Variants in DPP10 observed in about 807,000 individuals in gnomAD.
DPP10 encodes the protein inactive dipeptidyl peptidase 10.
Under a neutral mutation model 120.9 loss-of-function variants are expected in DPP10, and 33 were observed. That is an observed-to-expected ratio of 0.27 (90% CI 0.21 to 0.37). The LOEUF (loss-of-function observed/expected upper bound fraction) is 0.37, where lower values mean the gene tolerates loss of function less well. Ranked by LOEUF, DPP10 falls within the 10% of genes least tolerant of loss-of-function variation. The probability of loss-of-function intolerance (pLI) is 1.00; values close to 1 mark genes in which losing one functional copy is unlikely to be tolerated. For missense variants in DPP10, 816 were observed against 942.8 expected (o/e 0.87, Z 1.76); for synonymous variants, 337 against 326.1 (o/e 1.03, Z -0.36).
rs140794959 is a variant in DPP10 at position 115,003,176 on chromosome 2, TA to T, written c.61-306047del. Among the ~76,000 whole-genome samples the T allele has an allele frequency of 8.2e-3, 1,108 of 134,348 alleles. 12 individuals carry two copies. Among genetic ancestry groups the T allele is most frequent in the African/African-American group, 0.028 (1,028 of 36,302 alleles). 88.1% of individuals were successfully genotyped at this position (134,348 alleles called of 152,430 possible). A position where few individuals can be genotyped will look rare whatever the true frequency, so the allele number is the denominator to read the frequency against. On this transcript the variant is annotated intron_variant, in intron 1 of 25. Transcript: ENST00000410059. ...TACACATACATATACTATGTAGCTA[TA>T]AAAAAAAAAAAAAAACAATGAAATC...
intron 5 of DPP10, among the ~76,000 whole-genome samples, chr2:115,602,547 T>C (rs755285587): frequency 6.6e-6 from 1 of 152,218 alleles, no homozygotes. Flanking sequence ...TTTGGAGTCA[T>C]ATAAATTTCT....
At chr2:115,520,409 A>G (rs17044605) in intron 4 of DPP10, among the ~76,000 whole-genome samples, 31,787 of 152,148 alleles carry the variant, frequency 0.21, 3,898 homozygotes, top group East Asian at 0.39. Context: ...AAAATATCAT[A>G]GGATCCAAGA....
At chr2:115,161,901 G>A (rs1387511170) in intron 1 of DPP10, 29 of 1,414,750 alleles carry the variant, frequency 2.0e-5, no homozygotes, top group Non-Finnish European at 2.4e-5. Flanking sequence ...GCCAAGTGAC[G>A]GTCCCCGAGT....
intron 1 of DPP10, among the ~76,000 whole-genome samples, chr2:115,297,991 T>G (rs1005799880): frequency 6.6e-5 from 10 of 152,054 alleles, no homozygotes; most frequent in African/African-American, 2.2e-4. Flanking sequence ...TCTCTGTGTT[T>G]GAGATGCAGA....
chr2:115,384,355 C>G (rs903722429), intron 3 of DPP10, among the ~76,000 whole-genome samples: 10 of 150,918 alleles, frequency 6.6e-5, no homozygotes, highest in African/African-American at 2.2e-4. Flanking sequence ...GCCTAGATAA[C>G]AGAGCAAGAT....
rs13419705 is a variant in DPP10, at chr2:114,843,114, A to G, written c.60+400276A>G. On this transcript the variant is annotated intron_variant, in intron 1 of 25. Transcript: ENST00000410059. ...GAGACTCTTGCTATGAATATGACCT[A>G]ATGGCATTTGCCATCTTAATTTATA... 2.6e-5 allele frequency among the ~76,000 whole-genome samples: 4 copies of G among 152,210 alleles called. No individual in the cohort carries two copies. The South Asian group carries it at 8.3e-4, about 32-fold the overall frequency.
chr2:114,805,267 A>C (rs1013625751), intron 1 of DPP10, among the ~76,000 whole-genome samples: 4 of 152,126 alleles, frequency 2.6e-5, no homozygotes, highest in Admixed American at 1.3e-4. Context: ...CTGATACACA[A>C]AGAATGTACA....
chr2:115,453,944 A>G (rs2073323931), intron 3 of DPP10, among the ~76,000 whole-genome samples: 1 of 151,426 alleles, frequency 6.6e-6, no homozygotes, highest in Admixed American at 6.6e-5. Context: ...ATTTTAATAT[A>G]TTATAAAAAT....
intron 1 of DPP10, among the ~76,000 whole-genome samples, chr2:114,963,565 T>G (rs770953901): frequency 6.6e-6 from 1 of 152,214 alleles, no homozygotes; most frequent in Non-Finnish European, 1.5e-5. Flanking sequence ...CTTCTCTACA[T>G]AACCAGGCTG....
chr2:114,797,066 T>A (rs1435204849), intron 1 of DPP10, among the ~76,000 whole-genome samples: 1 of 152,170 alleles, frequency 6.6e-6, no homozygotes, highest in Non-Finnish European at 1.5e-5. Flanking sequence ...AAGTCAAGAT[T>A]AGTTTTCTAT....
At chr2:114,748,356 T>TATTTATTTA (rs1280344428) in intron 1 of DPP10, among the ~76,000 whole-genome samples, 1 of 133,560 alleles carries the variant, frequency 7.5e-6, no homozygotes, top group African/African-American at 3.0e-5. Context: ...TTTTTATTTT[T>TATTTATTTA]TTTTATTTTA....
intron 1 of DPP10, among the ~76,000 whole-genome samples, chr2:115,230,458 T>G (rs1412025052): frequency 6.6e-6 from 1 of 152,020 alleles, no homozygotes; most frequent in African/African-American, 2.4e-5. Context: ...TTATTTTCAT[T>G]TTGTAGGTAG....
chr2:115,464,121 A>G (rs921134440), intron 3 of DPP10, among the ~76,000 whole-genome samples: 24 of 152,246 alleles, frequency 1.6e-4, no homozygotes, highest in African/African-American at 5.8e-4. Context: ...TTGCCGGTCC[A>G]ACTCTACTCT....
At chr2:114,731,175 T>C (rs1676876032) in intron 1 of DPP10, among the ~76,000 whole-genome samples, 1 of 151,950 alleles carries the variant, frequency 6.6e-6, no homozygotes, top group African/African-American at 2.4e-5. Context: ...ACTCAGCTTC[T>C]CTGACTGATT....
intron 1 of DPP10, among the ~76,000 whole-genome samples, chr2:114,837,225 G>A (rs1439117015): frequency 6.6e-6 from 1 of 152,190 alleles, no homozygotes; most frequent in Admixed American, 6.5e-5. Context: ...AGAGATTGCA[G>A]TAAAGACAGG....
At chr2:114,455,729 GTT>G (rs35479026) in intron 1 of DPP10, among the ~76,000 whole-genome samples, 1 of 144,656 alleles carries the variant, frequency 6.9e-6, no homozygotes, top group Non-Finnish European at 1.5e-5. Context: ...AAATTCATTT[GTT>G]TTTTTTTTTT....
At chr2:115,054,136 C>T (rs1705713636) in intron 1 of DPP10, among the ~76,000 whole-genome samples, 1 of 152,138 alleles carries the variant, frequency 6.6e-6, no homozygotes, top group Non-Finnish European at 1.5e-5. Context: ...TGATATTATA[C>T]TAAGACTTGA....
At chr2:115,479,920 C>T (rs541856206) in intron 3 of DPP10, among the ~76,000 whole-genome samples, 2 of 152,248 alleles carry the variant, frequency 1.3e-5, no homozygotes, top group Admixed American at 1.3e-4. Context: ...GCAGGGGAGA[C>T]ATGAATGCGT....
intron 1 of DPP10, among the ~76,000 whole-genome samples, chr2:114,888,355 C>G (rs1692253836): frequency 6.6e-6 from 1 of 151,512 alleles, no homozygotes; most frequent in South Asian, 2.1e-4. Context: ...CTAAGTAGGT[C>G]AGAAGACTAT....
Sources: gnomAD v4.1 joint callset for allele counts (sites outside exome capture counted in the v4.1 genomes callset) on GRCh38, gnomAD v4.1.1 for gene constraint, MANE v1.5 for transcripts, NCBI Gene and HGNC (gene_info 2026-07-23, HGNC 2026-07-21) for gene names.